The following PIK3C3 variants were observed in gnomAD, a reference collection of about 807,000 sequenced individuals.
The protein encoded by PIK3C3 is phosphatidylinositol 3-kinase catalytic subunit type 3.
Under a neutral mutation model 126.1 loss-of-function variants are expected in PIK3C3, and 95 were observed. That is an observed-to-expected ratio of 0.75 (90% CI 0.64 to 0.89). The LOEUF is 0.89. Among genes scored for constraint, PIK3C3 ranks in the 40% least tolerant of loss-of-function variants. The pLI, the probability that PIK3C3 is intolerant of heterozygous loss-of-function variation, is 0.00. For missense variants in PIK3C3, 829 were observed against 1,063.2 expected, an observed-to-expected ratio of 0.78 and a Z score of 3.06; for synonymous variants, 374 against 360.0, an observed-to-expected ratio of 1.04 and a Z score of -0.44.
chr18:42,076,160 A>ATATATG (rs1568013804), intron 24 of PIK3C3, among the ~76,000 whole-genome samples: 1 of 102,500 alleles, frequency 9.8e-6, no homozygotes, highest in African/African-American at 5.4e-5. Flanking sequence ...ATATATATAT[A>ATATATG]TGCACATATA....
intron 4 of PIK3C3, among the ~76,000 whole-genome samples, chr18:41,983,629 TA>T (rs1981317875): frequency 6.6e-6 from 1 of 152,296 alleles, no homozygotes; most frequent in East Asian, 1.9e-4. Flanking sequence ...CTGTGAGTTC[TA>T]ATGATCGTGG....
chr18:42,076,169 T>TGCGC (rs1986013953), intron 24 of PIK3C3, among the ~76,000 whole-genome samples: 1 of 128,790 alleles, frequency 7.8e-6, no homozygotes, highest in African/African-American at 3.2e-5. Context: ...TATGCACATA[T>TGCGC]ATATATATGC....
intron 16 of PIK3C3, among the ~76,000 whole-genome samples, chr18:42,036,261 C>A (rs956183382): frequency 3.9e-5 from 6 of 152,148 alleles, no homozygotes; most frequent in African/African-American, 1.4e-4. Context: ...TTCAAGCATA[C>A]AGCAAAGTTG....
chr18:42,067,220 C>T (rs1463669008), intron 23 of PIK3C3, among the ~76,000 whole-genome samples, 168 bp from the exon 24 acceptor site: 1 of 152,110 alleles, frequency 6.6e-6, no homozygotes, highest in Admixed American at 6.6e-5. Context: ...AAACAGCAAA[C>T]TTCCACACTC....
intron 5 of PIK3C3, among the ~76,000 whole-genome samples, chr18:41,989,531 A>G (rs1328874563): frequency 6.6e-6 from 1 of 152,174 alleles, no homozygotes; most frequent in Non-Finnish European, 1.5e-5. Flanking sequence ...ATGGTTCCGT[A>G]AGATTATAGT....
chr18:42,014,555 C>T (rs958895227), intron 11 of PIK3C3, among the ~76,000 whole-genome samples: 1 of 152,124 alleles, frequency 6.6e-6, no homozygotes, highest in Non-Finnish European at 1.5e-5. Context: ...GACTCCAAAT[C>T]CCACATTTTT....
At chr18:42,061,477 G>A (rs1360662502) in intron 22 of PIK3C3, among the ~76,000 whole-genome samples, 1 of 152,114 alleles carries the variant, frequency 6.6e-6, no homozygotes, top group African/African-American at 2.4e-5. Flanking sequence ...AGTTACTTGG[G>A]GGGCTGAGGC....
At chr18:42,058,117 T>C in intron 22 of PIK3C3, 66 bp downstream of exon 22, 2 of 1,373,528 alleles carry the variant, frequency 1.5e-6, no homozygotes, top group Non-Finnish European at 2.0e-6. Flanking sequence ...ACAAGAGAAT[T>C]TGTTTAAATG....
intron 24 of PIK3C3, among the ~76,000 whole-genome samples, chr18:42,068,050 A>C (rs537592786): frequency 6.6e-6 from 1 of 152,290 alleles, no homozygotes; most frequent in African/African-American, 2.4e-5. Flanking sequence ...CAAACGGAAA[A>C]ATTAGGCTGC....
intron 18 of PIK3C3, 151 bp downstream of exon 18, chr18:42,039,001 C>T (rs868075675): frequency 5.0e-6 from 3 of 599,658 alleles, no homozygotes; most frequent in Middle Eastern, 4.5e-4. Flanking sequence ...TCCCTTCTGT[C>T]TTTCCTTCTT....
intron 20 of PIK3C3, chr18:42,049,258 A>C: frequency 3.6e-6 from 1 of 275,654 alleles, no homozygotes; most frequent in East Asian, 6.7e-5. Context: ...TGCTAGGCCC[A>C]TGTTATAATT....
chr18:42,036,627 ATTTC>A (rs1321005280), intron 16 of PIK3C3, among the ~76,000 whole-genome samples: 7 of 151,064 alleles, frequency 4.6e-5, no homozygotes, highest in Non-Finnish European at 1.0e-4. Context: ...AAAGAATATA[ATTTC>A]TTTATTTTTT....
intron 4 of PIK3C3, chr18:41,970,700 A>C (rs1598854380): frequency 1.7e-6 from 1 of 595,030 alleles, no homozygotes; most frequent in East Asian, 2.8e-5. Context: ...GAATTTTTTC[A>C]TCACCCCTAA....
intron 7 of PIK3C3, among the ~76,000 whole-genome samples, chr18:41,995,163 C>A (rs1263524608): frequency 2.6e-5 from 4 of 151,868 alleles, no homozygotes; most frequent in African/African-American, 9.7e-5. Flanking sequence ...AATTACATGG[C>A]TGAAGAGACC....
At chr18:42,053,243 A>G (rs1984883855) in intron 21 of PIK3C3, among the ~76,000 whole-genome samples, 1 of 152,220 alleles carries the variant, frequency 6.6e-6, no homozygotes, top group Admixed American at 6.5e-5. Flanking sequence ...GAGAATGTCA[A>G]AATCTATACA....
At chr18:42,000,152 C>G (rs1982216369) in intron 9 of PIK3C3, among the ~76,000 whole-genome samples, 1 of 152,144 alleles carries the variant, frequency 6.6e-6, no homozygotes, top group Non-Finnish European at 1.5e-5. Context: ...CTCCCAGGTT[C>G]AAGTGATTCT....
chr18:42,058,324 G>A (rs1985164458), intron 22 of PIK3C3, among the ~76,000 whole-genome samples: 1 of 152,096 alleles, frequency 6.6e-6, no homozygotes, highest in African/African-American at 2.4e-5. Context: ...CAAACATGGA[G>A]GCTTCCAACT....
chr18:42,070,379 A>G (rs1383419935), intron 24 of PIK3C3: 1 of 152,232 alleles, frequency 6.6e-6, no homozygotes, highest in African/African-American at 2.4e-5. Context: ...GTTCTGTAAA[A>G]TGAATTAGTG....
chr18:42,086,621 T>G lies in PIK3C3; in HGVS notation c.*5484T>G, dbSNP rs972229942. On this transcript the variant is annotated 3_prime_UTR_variant, in exon 25 of 25. Transcript: ENST00000262039. ...GTCATCCTCACTGCTCATTATACGCTAGTTATAATGCATTGACATGCTAAG... is the reference window on the plus strand; with the variant it reads ...GTCATCCTCACTGCTCATTATACGCGAGTTATAATGCATTGACATGCTAAG... 1.3e-5 allele frequency: 2 copies of G among 152,186 alleles called. No homozygotes were observed. Among genetic ancestry groups the G allele is most frequent in the South Asian group, 4.1e-4 (2 of 4,830 alleles). 9.4% of individuals were successfully genotyped at this position (152,186 alleles called of 1,614,324 possible).
Sources: allele counts gnomAD v4.1 joint callset (sites outside exome capture counted in the v4.1 genomes callset), GRCh38; gene constraint gnomAD v4.1.1; transcripts MANE v1.5; gene names NCBI Gene and HGNC (gene_info 2026-07-23, HGNC 2026-07-21).